Variants in RNF150 observed in about 807,000 individuals in gnomAD.
RNF150 encodes ring finger protein 150.
A neutral mutation model predicts 39.3 loss-of-function variants in RNF150; 24 were observed. The ratio of observed to expected loss-of-function variants is 0.61; its 90% confidence interval spans 0.44 to 0.86. The LOEUF (loss-of-function observed/expected upper bound fraction) is 0.86, where lower values mean the gene tolerates loss of function less well. Among genes scored for constraint, RNF150 ranks in the 40% least tolerant of loss-of-function variants. The pLI is 0.00. For synonymous variants in RNF150, 255 were observed against 227.3 expected (o/e 1.12, Z -1.10); for missense variants, 502 against 587.8 (o/e 0.85, Z 1.51).
At chr4:140,974,647 T>C (rs1398223542) in intron 1 of RNF150, among the ~76,000 whole-genome samples, 1 of 152,188 alleles carries the variant, frequency 6.6e-6, no homozygotes, top group Non-Finnish European at 1.5e-5. Context: ...AGTTTCTTAG[T>C]ATCCTGGTAA....
At chr4:140,961,473 G>A (rs966802439) in intron 2 of RNF150, among the ~76,000 whole-genome samples, 9 of 152,088 alleles carry the variant, frequency 5.9e-5, no homozygotes, top group South Asian at 2.1e-4. Flanking sequence ...TTCAGGCTGT[G>A]AGCCTTCATC....
intron 1 of RNF150, among the ~76,000 whole-genome samples, chr4:141,034,850 A>G (rs1285765398): frequency 1.3e-5 from 2 of 152,160 alleles, no homozygotes; most frequent in Non-Finnish European, 1.5e-5. Context: ...CAATAGTAAC[A>G]TCCAAGATCA....
chr4:141,044,030 G>A (rs566396595), intron 1 of RNF150, among the ~76,000 whole-genome samples: 2 of 152,168 alleles, frequency 1.3e-5, no homozygotes, highest in Non-Finnish European at 2.9e-5. Context: ...TAGGGTTGAA[G>A]TAAATGTATT....
chr4:141,082,008 G>C (rs1738167598), intron 1 of RNF150, among the ~76,000 whole-genome samples: 2 of 152,180 alleles, frequency 1.3e-5, no homozygotes, highest in Non-Finnish European at 2.9e-5. Flanking sequence ...TTACGTGTTT[G>C]TATCAAAGAA....
chr4:140,935,004 T>TAA (rs1731784240), intron 4 of RNF150, among the ~76,000 whole-genome samples: 1 of 109,744 alleles, frequency 9.1e-6, no homozygotes, highest in African/African-American at 3.4e-5. Context: ...TATATATATA[T>TAA]ATAAATATAT....
Position 140,999,001 on chromosome 4 carries a change from G to GGCT in RNF150, c.485-31131_485-31129dup, listed in dbSNP as rs58641225. Among the ~76,000 whole-genome samples, 123 of 152,136 alleles carry GGCT rather than the reference G, an allele frequency of 8.1e-4. 1 individual carries two copies. The highest frequency in any genetic ancestry group is 2.8e-3 in the African/African-American group (116 of 41,530). On this transcript the variant is annotated intron_variant, in intron 1 of 6. Transcript: ENST00000515673. ...TTAGATCTCAAAGCCTCACGAAGCA[G>GGCT]GCTGCTGCTGCTGCTGCTGCTGACA... is the stretch of plus-strand genomic sequence containing the variant.
chr4:141,087,530 T>C (rs1738413352), intron 1 of RNF150, among the ~76,000 whole-genome samples: 1 of 151,134 alleles, frequency 6.6e-6, no homozygotes, highest in Non-Finnish European at 1.5e-5. Context: ...CTTTCTCTTT[T>C]TCCCCCATTT....
chr4:140,999,072 G>A (rs1189536016), intron 1 of RNF150, among the ~76,000 whole-genome samples: 4 of 152,126 alleles, frequency 2.6e-5, no homozygotes, highest in African/African-American at 9.7e-5. Flanking sequence ...TCTCAAAGTA[G>A]GGAAGGTGGA....
At chr4:141,023,584 A>C (rs1319190392) in intron 1 of RNF150, among the ~76,000 whole-genome samples, 2 of 151,970 alleles carry the variant, frequency 1.3e-5, no homozygotes, top group Non-Finnish European at 2.9e-5. Flanking sequence ...TATTTTACCT[A>C]ATATATGCAA....
At chr4:140,916,120 C>A (rs537551822) in intron 5 of RNF150, among the ~76,000 whole-genome samples, 1 of 152,272 alleles carries the variant, frequency 6.6e-6, no homozygotes, top group Non-Finnish European at 1.5e-5. Flanking sequence ...AAACCGGAAA[C>A]TCTAAAAATC....
intron 4 of RNF150, among the ~76,000 whole-genome samples, chr4:140,929,367 T>G (rs1356347725): frequency 1.0e-4 from 14 of 136,302 alleles, no homozygotes; most frequent in Admixed American, 7.3e-4. Flanking sequence ...AGTTTTTTTT[T>G]TTTTTTTTTT....
chr4:141,156,773 G>T (rs1560762591), intron 1 of RNF150, among the ~76,000 whole-genome samples: 1 of 148,494 alleles, frequency 6.7e-6, no homozygotes. Context: ...CAGGTGTGTT[G>T]GCACATACCT....
chr4:141,208,536 C>G (rs748981424), intron 1 of RNF150, among the ~76,000 whole-genome samples: 2 of 152,176 alleles, frequency 1.3e-5, no homozygotes, highest in Admixed American at 6.5e-5. Flanking sequence ...TGTGTTTATA[C>G]AGAATCATGG....
intron 1 of RNF150, among the ~76,000 whole-genome samples, chr4:141,105,440 C>T (rs2111046653): frequency 6.6e-6 from 1 of 152,274 alleles, no homozygotes; most frequent in South Asian, 2.1e-4. Flanking sequence ...TTCTCTCATT[C>T]CTAGGTTTCC....
intron 1 of RNF150, among the ~76,000 whole-genome samples, chr4:141,114,911 A>G (rs1739500881): frequency 6.6e-6 from 1 of 152,240 alleles, no homozygotes; most frequent in Admixed American, 6.5e-5. Flanking sequence ...ATCTCACAAG[A>G]TGCACAAAAG....
chr4:140,895,118 C>T (rs1021136849), intron 6 of RNF150, among the ~76,000 whole-genome samples: 2 of 152,182 alleles, frequency 1.3e-5, no homozygotes, highest in Non-Finnish European at 2.9e-5. Context: ...GGTTTTCTCC[C>T]ACTCCCTTTA....
At chr4:141,096,415 C>G (rs911301970) in intron 1 of RNF150, among the ~76,000 whole-genome samples, 3 of 151,860 alleles carry the variant, frequency 2.0e-5, no homozygotes, top group Non-Finnish European at 4.4e-5. Context: ...CCAGGCTGGT[C>G]TCGAACTCCT....
chr4:140,923,651 G>T (rs548936015), intron 5 of RNF150, among the ~76,000 whole-genome samples: 1 of 152,150 alleles, frequency 6.6e-6, no homozygotes, highest in African/African-American at 2.4e-5. Flanking sequence ...AAATCATGCT[G>T]TTATAAAGAC....
In RNF150 at chr4:140,967,844, G is replaced by C; in HGVS notation, c.514C>G (p.Pro172Ala). ...GVEDIVAIMI[P>A]EPKGKEIVSL... Reference sequence around the variant, plus strand: ...ACTATCTCCTTCCCTTTTGGCTCAGGAATCATTATGGCCACGATGTCTTCT... The same window carrying C: ...ACTATCTCCTTCCCTTTTGGCTCAGCAATCATTATGGCCACGATGTCTTCT... The change falls in exon 2 of 7, where the codon CCT becomes GCT. Residue 172 changes from proline to alanine, a missense_variant. Transcript: ENST00000515673. 6.2e-7 allele frequency: 1 copy of C among 1,613,298 alleles called. No homozygotes were observed. Among genetic ancestry groups the C allele is most frequent in the Non-Finnish European group, 8.5e-7 (1 of 1,179,510 alleles).
Sources: allele counts gnomAD v4.1 joint callset (sites outside exome capture counted in the v4.1 genomes callset), GRCh38; gene constraint gnomAD v4.1.1; transcripts MANE v1.5; gene names NCBI Gene and HGNC (gene_info 2026-07-23, HGNC 2026-07-21).